Variants in LPCAT4 observed in about 807,000 individuals in gnomAD.
The protein encoded by LPCAT4 is lysophospholipid acyltransferase LPCAT4.
A neutral mutation model predicts 66.5 loss-of-function variants in LPCAT4; 30 were observed. That is an observed-to-expected ratio of 0.45 (90% CI 0.34 to 0.61). The LOEUF (loss-of-function observed/expected upper bound fraction) is 0.61, where lower values mean the gene tolerates loss of function less well. Among genes scored for constraint, LPCAT4 ranks in the 20% least tolerant of loss-of-function variants. The probability of loss-of-function intolerance (pLI) is 0.01; values close to 1 mark genes in which losing one functional copy is unlikely to be tolerated. For missense variants in LPCAT4, 557 were observed against 656.7 expected (o/e 0.85, Z 1.66); for synonymous variants, 253 against 262.1 (o/e 0.97, Z 0.34).
chr15:34,367,158 G>T lies in LPCAT4; in HGVS notation c.-58C>A. The T allele has an allele frequency of 7.3e-7, 1 of 1,363,530 alleles. No individual in the cohort carries two copies. The highest frequency in any genetic ancestry group is 9.5e-7 in the Non-Finnish European group (1 of 1,050,684). 84.5% of individuals were successfully genotyped at this position (1,363,530 alleles called of 1,614,324 possible). On this transcript the variant is annotated 5_prime_UTR_variant, in exon 1 of 14. It adds an upstream start codon to the 5' untranslated region. Transcript: ENST00000314891. ...CCCTGGCCCCGGCCACCACTCTGCAGAGCAGCTGCTGCTGCAGCAGCGGCG... is the reference window on the plus strand; with the variant it reads ...CCCTGGCCCCGGCCACCACTCTGCATAGCAGCTGCTGCTGCAGCAGCGGCG...
chr15:34,359,431 CCT>C (rs1890887916), intron 13 of LPCAT4, 129 bp from the exon 14 acceptor site: 2 of 1,316,206 alleles, frequency 1.5e-6, no homozygotes, highest in African/African-American at 3.0e-5. Context: ...AGGTTCAGGT[CCT>C]CTCTTCCTTT....
At chr15:34,364,700 C>T (rs1436058544) in intron 3 of LPCAT4, 3 of 319,432 alleles carry the variant, frequency 9.4e-6, no homozygotes, top group East Asian at 5.9e-5. Context: ...GTGATCCGCC[C>T]GCCTTGGCCT....
At chr15:34,365,858 G>A (rs753388532) in intron 1 of LPCAT4, 157 bp from the exon 2 acceptor site, 4 of 785,098 alleles carry the variant, frequency 5.1e-6, no homozygotes, top group Non-Finnish European at 8.1e-6. Flanking sequence ...ACCCAAGGTG[G>A]GATGAAGATA....
rs370730362 is a variant in LPCAT4 at position 34,364,107 on chromosome 15, G to T, written c.592-34C>A. ...AAAAAGAGCAGAATGAGGTGAAGAA[G>T]ACTGAAGAAGGCTGTGGAGAGAGGA... On this transcript the variant is annotated intron_variant, in intron 4 of 13. Coordinates refer to ENST00000314891, the MANE Select transcript of LPCAT4 (RefSeq NM_153613.3). The T allele has an allele frequency of 2.2e-5, 35 of 1,605,064 alleles. No individual in the cohort carries two copies. The African/African-American group carries it at 4.1e-4, about 19-fold the overall frequency.
At chr15:34,362,696 G>C (rs1378735085) in intron 8 of LPCAT4, 41 bp from the exon 9 acceptor site, 2 of 1,607,066 alleles carry the variant, frequency 1.2e-6, no homozygotes, top group African/African-American at 2.7e-5. Flanking sequence ...GAACCTCAAA[G>C]TGAGGTATGA....
intron 9 of LPCAT4, 41 bp downstream of exon 9, chr15:34,362,532 C>T: frequency 6.6e-7 from 1 of 1,521,228 alleles, no homozygotes; most frequent in East Asian, 2.3e-5. Context: ...GTTCCTTTGC[C>T]CTGTGCAACT....
At position 34,360,207 on chromosome 15, in the gene LPCAT4, A is replaced by G. The variant is rs1402449416; in HGVS notation, c.1146T>C (p.Asp382=). 2 of 1,613,946 alleles carry G rather than the reference A, an allele frequency of 1.2e-6. No individual in the cohort carries two copies. The highest frequency in any genetic ancestry group is 1.3e-5 in the African/African-American group (1 of 75,018). Reference sequence around the variant, plus strand: ...CTCGGAAGTCCACCAAACCCTTGGTATCCTGGTGTGAAAAAGAAACCAGGG... The same window carrying G: ...CTCGGAAGTCCACCAAACCCTTGGTGTCCTGGTGTGAAAAAGAAACCAGGG... ...VAGAFGYFQQ[D]TKGLVDFRDV... is the part of the protein sequence containing the mutation. Residue 382 remains aspartate, a splice_region_variant and synonymous_variant, in exon 12 of 14, where the codon GAT becomes GAC. Transcript: ENST00000314891.
rs1396553705 is a variant in LPCAT4 at position 34,359,337 on chromosome 15, T to C, written c.1400-35A>G. On this transcript the variant is annotated intron_variant, in intron 13 of 13. Transcript: ENST00000314891. ...TAAGAGATGGGGAAAAGTGAAAAGA[T>C]CTAAGAACGAGAAGAGAATCTCCCT... 3.4e-6 allele frequency: 5 copies of C among 1,464,472 alleles called. No individual in the cohort carries two copies. The East Asian group carries it at 1.3e-4, about 37-fold the overall frequency. 90.7% of individuals were successfully genotyped at this position (1,464,472 alleles called of 1,614,324 possible).
rs1353355870 is a variant in LPCAT4 at position 34,359,293 on chromosome 15, T to C, written c.1409A>G (p.Gln470Arg). ...GAGTGGGTCATGGAGGGAGAAGTTC[T>C]GGAACTGACCTGGACAAATAAGAGA... Reference protein sequence around the residue: ...SSQGLSLCQFQNFSLHDPLYG... With the variant: ...SSQGLSLCQFRNFSLHDPLYG... The change falls in exon 14 of 14, where the codon CAG (glutamine) becomes CGG (arginine). Residue 470 changes from glutamine to arginine, a missense_variant. Around this residue, in one of 4 missense-constraint regions of LPCAT4, gnomAD observed 392 missense variants for 473.9 expected, o/e 0.83. Coordinates refer to ENST00000314891, the MANE Select transcript of LPCAT4 (RefSeq NM_153613.3). 2.6e-6 allele frequency: 4 copies of C among 1,529,134 alleles called. No homozygotes were observed. The highest frequency in any genetic ancestry group is 3.5e-6 in the Non-Finnish European group (4 of 1,137,734). The allele number at this position is 1,529,134 out of a possible 1,614,324, so 94.7% of individuals were successfully genotyped here.
At chr15:34,361,194 CATG>C in intron 11 of LPCAT4, 2 of 1,435,788 alleles carry the variant, frequency 1.4e-6, no homozygotes, top group African/African-American at 1.4e-5. Flanking sequence ...TGTTCCTCCT[CATG>C]ATGATAACAT....
In LPCAT4 at chr15:34,359,171, G is replaced by C; in HGVS notation, c.1531C>G (p.Leu511Val). The stretch of plus-strand genomic sequence containing the variant: ...GGTGCTTGCACAGTCCCATTGGCCA[G>C]AGCAGTGGGGTTGCCTGGGGATGAG... ...NASSPGNPTA[L>V]ANGTVQAPKQ... is the part of the protein sequence containing the mutation. The change falls in exon 14 of 14, where the codon CTG becomes GTG. Residue 511 changes from leucine to valine, a missense_variant. Transcript: ENST00000314891. 3 of 1,607,240 alleles carry C rather than the reference G, an allele frequency of 1.9e-6. No individual in the cohort carries two copies. The highest frequency in any genetic ancestry group is 2.5e-6 in the Non-Finnish European group (3 of 1,177,406).
Position 34,361,532 on chromosome 15 carries a change from C to A in LPCAT4, c.1011G>T (p.Gly337=). Residue 337 remains glycine (G), a splice_region_variant and synonymous_variant, in exon 11 of 14, where the codon GGG becomes GGT. Coordinates refer to ENST00000314891, the MANE Select transcript of LPCAT4 (RefSeq NM_153613.3). Reference sequence around the variant, plus strand: ...CAGCGTCCACATAGCCAGCGGACAGCCTACGATGGAATTGTTGAAGGCAGA... The same window carrying A: ...CAGCGTCCACATAGCCAGCGGACAGACTACGATGGAATTGTTGAAGGCAGA... ...WELGKVLRKA[G]LSAGYVDAGA... is the part of the protein sequence containing the mutation. 1 of 1,613,430 alleles carries A rather than the reference C, an allele frequency of 6.2e-7. No homozygotes were observed.
chr15:34,364,411 CTTTTT>C, intron 3 of LPCAT4, 105 bp from the exon 4 acceptor site: 2 of 557,954 alleles, frequency 3.6e-6, no homozygotes, highest in Non-Finnish European at 6.3e-6. Context: ...TCTGTTATCT[CTTTTT>C]TTTTTTTTTC....
In LPCAT4 at chr15:34,363,560, C is replaced by A; in HGVS notation, c.711+101G>T. On this transcript the variant is annotated intron_variant, in intron 6 of 13. Coordinates refer to ENST00000314891, the MANE Select transcript of LPCAT4 (RefSeq NM_153613.3). The surrounding 1 kb of genome is among the most constrained non-coding windows in gnomAD (Gnocchi z 4.3). The stretch of plus-strand genomic sequence containing the variant: ...GCCTGATCCCACCTCTGGTCACAGC[C>A]CCCAATGCACATCCCATTAAAGCAC... 5 of 1,593,848 alleles carry A rather than the reference C, an allele frequency of 3.1e-6. No individual in the cohort carries two copies. Among genetic ancestry groups the A allele is most frequent in the Non-Finnish European group, 4.3e-6 (5 of 1,162,252 alleles).
At position 34,363,627 on chromosome 15, in the gene LPCAT4, C is replaced by T; in HGVS notation, c.711+34G>A. On this transcript the variant is annotated intron_variant, in intron 6 of 13. Transcript: ENST00000314891. This position sits in a 1 kb window ranked among gnomAD's most constrained non-coding sequence, Gnocchi z 4.3. ...TTTCCATTTGGGGTGGATTTGTGCT[C>T]CCCCTTTCCACTCTTTCTTGGACTA... 2.5e-6 allele frequency: 4 copies of T among 1,612,560 alleles called. No individual in the cohort carries two copies. The highest frequency in any genetic ancestry group is 1.1e-5 in the South Asian group (1 of 91,038).
Position 34,363,459 on chromosome 15 carries a change from A to G in LPCAT4, c.712-3T>C. The G allele has an allele frequency of 4.3e-6, 7 of 1,614,080 alleles. No homozygotes were observed. The highest frequency in any genetic ancestry group is 5.9e-6 in the Non-Finnish European group (7 of 1,179,990). The stretch of plus-strand genomic sequence containing the variant: ...CTCCATGCCCAGCTGGTGGTGTCCT[A>G]TGGGAGAAACACAGGTGAGGGCATA... On this transcript the variant is annotated splice_polypyrimidine_tract_variant and splice_region_variant and intron_variant, in intron 6 of 13. Transcript: ENST00000314891. The surrounding 1 kb of genome is among the most constrained non-coding windows in gnomAD (Gnocchi z 4.3).
At chr15:34,361,020 A>G in intron 11 of LPCAT4, 1 of 211,266 alleles carries the variant, frequency 4.7e-6, no homozygotes, top group Non-Finnish European at 9.1e-6. Context: ...CAACCATCTA[A>G]CTGTCCGGTG....
chr15:34,363,470 A>C lies in LPCAT4; in HGVS notation c.712-14T>G. 1 of 1,614,056 alleles carries C rather than the reference A, an allele frequency of 6.2e-7. No individual in the cohort carries two copies. Among genetic ancestry groups the C allele is most frequent in the South Asian group, 1.1e-5 (1 of 91,070 alleles). ...GCTGGTGGTGTCCTATGGGAGAAAC[A>C]CAGGTGAGGGCATAAGAGCATTACT... On this transcript the variant is annotated splice_polypyrimidine_tract_variant and intron_variant, in intron 6 of 13. Transcript: ENST00000314891. This position sits in a 1 kb window ranked among gnomAD's most constrained non-coding sequence, Gnocchi z 4.3.
In LPCAT4 at chr15:34,365,988, G is replaced by A. The variant is rs1307224040; in HGVS notation, c.115-287C>T. The A allele has an allele frequency of 2.3e-5, 8 of 354,222 alleles. No homozygotes were observed. In the Admixed American group the frequency reaches 3.3e-4, roughly 15 times the overall value. 21.9% of individuals were successfully genotyped at this position (354,222 alleles called of 1,614,324 possible). A position where few individuals can be genotyped will look rare whatever the true frequency, so the allele number is the denominator to read the frequency against. On this transcript the variant is annotated intron_variant, in intron 1 of 13. Coordinates refer to ENST00000314891, the MANE Select transcript of LPCAT4 (RefSeq NM_153613.3). ...CATAAAAAGCATCTAGCACTTAGAG[G>A]ATTTAATAAGAATGCATGCGAAAGT... is the stretch of plus-strand genomic sequence containing the variant.
Sources: gnomAD v4.1 joint callset for allele counts on GRCh38, gnomAD v4.1.1 for gene constraint, gnomAD v4.1.1 regional missense constraint, Gnocchi (gnomAD v3.1) non-coding constraint, MANE v1.5 for transcripts, NCBI Gene and HGNC (gene_info 2026-07-23, HGNC 2026-07-21) for gene names.